ZNF879: variants seen among roughly 807,000 people sequenced by gnomAD.
The protein encoded by ZNF879 is zinc finger protein 879.
Under a neutral mutation model 44.3 loss-of-function variants are expected in ZNF879, and 32 were observed. The ratio of observed to expected loss-of-function variants is 0.72; its 90% CI spans 0.54 to 0.97. The LOEUF (loss-of-function observed/expected upper bound fraction) is 0.97, where lower values mean the gene tolerates loss of function less well. Ranked by LOEUF, ZNF879 falls within the 50% of genes least tolerant of loss-of-function variation. The pLI is 0.00. For missense variants in ZNF879, 621 were observed against 669.7 expected, an observed-to-expected ratio of 0.93 and a Z score of 0.80; for synonymous variants, 234 against 233.2, an observed-to-expected ratio of 1.00 and a Z score of -0.03.
chr5:179,024,245 C>T (rs2113039019), intron 1 of ZNF879, among the ~76,000 whole-genome samples: 1 of 152,368 alleles, frequency 6.6e-6, no homozygotes, highest in South Asian at 2.1e-4. Flanking sequence ...TAAGCCTCCC[C>T]CTACTCCGTT....
chr5:179,029,550 G>A (rs1156539677), intron 4 of ZNF879, among the ~76,000 whole-genome samples: 1 of 152,124 alleles, frequency 6.6e-6, no homozygotes, highest in Non-Finnish European at 1.5e-5. Flanking sequence ...TGAGCTTTCT[G>A]GTTGGCAAAT....
chr5:179,033,383 A>C lies in ZNF879; in HGVS notation c.1435A>C (p.Thr479Pro). The change falls in exon 5 of 5, where the codon ACT becomes CCT. Residue 479 changes from threonine (T) to proline (P), a missense_variant. Transcript: ENST00000444149. The part of the protein sequence containing the change: ...SGVNTHRKIH[T>P]GEKPYKCNDC... ...CGTTAATACTCATCGAAAAATTCAT[A>C]CTGGAGAAAAACCTTATAAATGTAA... is the stretch of plus-strand genomic sequence containing the variant. 6.4e-7 allele frequency: 1 copy of C among 1,558,286 alleles called. No homozygotes were observed. Among genetic ancestry groups the C allele is most frequent in the South Asian group, 1.2e-5 (1 of 84,716 alleles).
rs547281767 is a variant in ZNF879, at chr5:179,025,436, C to T, written c.33+399C>T. On this transcript the variant is annotated intron_variant, in intron 2 of 4. Coordinates refer to ENST00000444149, the MANE Select transcript of ZNF879 (RefSeq NM_001136116.3). ...AACTCCTGACCTCAAGCAATCTGCC[C>T]GCCTCAGCCTCCTAAAGTGTTGGGA... Among the ~76,000 whole-genome samples, 5 of 152,192 alleles carry T rather than the reference C, an allele frequency of 3.3e-5. No individual in the cohort carries two copies. In the East Asian group the frequency reaches 5.8e-4, roughly 18 times the overall value.
chr5:179,032,830 A>G lies in ZNF879; in HGVS notation c.882A>G (p.Gly294=). The change falls in exon 5 of 5, where the codon GGA becomes GGG. Residue 294 remains glycine, a synonymous_variant. Coordinates refer to ENST00000444149, the MANE Select transcript of ZNF879 (RefSeq NM_001136116.3). ...GACCTTATAAATGCAAGGAATGTGG[A>G]AAAACATTTAAAGGTAGTTCATCTC... ...GERPYKCKEC[G]KTFKGSSSLN... 1 of 1,556,072 alleles carries G rather than the reference A, an allele frequency of 6.4e-7. No individual in the cohort carries two copies. The highest frequency in any genetic ancestry group is 8.7e-7 in the Non-Finnish European group (1 of 1,149,732).
intron 2 of ZNF879, among the ~76,000 whole-genome samples, chr5:179,026,196 A>G (rs1761265180): frequency 6.6e-6 from 1 of 152,230 alleles, no homozygotes; most frequent in African/African-American, 2.4e-5. Context: ...GAGTATGAAC[A>G]AAGTGCAAAC....
intron 4 of ZNF879, among the ~76,000 whole-genome samples, chr5:179,030,067 C>A (rs1761380548): frequency 6.6e-6 from 1 of 152,100 alleles, no homozygotes; most frequent in African/African-American, 2.4e-5. Context: ...TTGAAAAGGC[C>A]AGGCATGTGG....
At position 179,033,767 on chromosome 5, in the gene ZNF879, C is replaced by T. The variant is rs1239523999; in HGVS notation, c.*127C>T. On this transcript the variant is annotated 3_prime_UTR_variant, in exon 5 of 5. Coordinates refer to ENST00000444149, the MANE Select transcript of ZNF879 (RefSeq NM_001136116.3). Reference sequence around the variant, plus strand: ...GTAAAACTTCAGCATTAGACCTCATCACACATCAGAGACTTCATGATGCAG... The same window carrying T: ...GTAAAACTTCAGCATTAGACCTCATTACACATCAGAGACTTCATGATGCAG... 20 of 643,326 alleles carry T rather than the reference C, an allele frequency of 3.1e-5. No homozygotes were observed. The highest frequency in any genetic ancestry group is 4.8e-5 in the Non-Finnish European group (19 of 393,236). The allele number at this position is 643,326 out of a possible 1,614,324, so 39.9% of individuals were successfully genotyped here. A position where few individuals can be genotyped will look rare whatever the true frequency, so the allele number is the denominator to read the frequency against.
intron 4 of ZNF879, among the ~76,000 whole-genome samples, chr5:179,031,682 CT>C (rs1761422992): frequency 6.6e-6 from 1 of 152,232 alleles, no homozygotes; most frequent in Non-Finnish European, 1.5e-5. Context: ...GGCTTGTGCC[CT>C]GTCATTCTCA....
At chr5:179,028,667 C>T (rs974986559) in intron 4 of ZNF879, among the ~76,000 whole-genome samples, 2 of 152,118 alleles carry the variant, frequency 1.3e-5, no homozygotes, top group Non-Finnish European at 2.9e-5. Context: ...GAGTGGGCTT[C>T]CGGATACTCA....
chr5:179,024,215 G>T (rs1761194263), intron 1 of ZNF879, among the ~76,000 whole-genome samples: 1 of 152,166 alleles, frequency 6.6e-6, no homozygotes, highest in African/African-American at 2.4e-5. Context: ...GCGGTTTTTC[G>T]CTCTTAGTGT....
Position 179,023,851 on chromosome 5 carries a change from C to T in ZNF879, c.-89C>T, listed in dbSNP as rs1172600676. ...GGAAACGTCTCTGAATTAGGTGTTC[C>T]GCTCGCCTCTTGTGCGGTGTGGAGC... On this transcript the variant is annotated 5_prime_UTR_variant, in exon 1 of 5. Transcript: ENST00000444149. 2 of 152,272 alleles carry T rather than the reference C, an allele frequency of 1.3e-5. No individual in the cohort carries two copies. The highest frequency in any genetic ancestry group is 1.5e-5 in the Non-Finnish European group (1 of 68,050). 9.4% of individuals were successfully genotyped at this position (152,272 alleles called of 1,614,324 possible). A position where few individuals can be genotyped will look rare whatever the true frequency, so the allele number is the denominator to read the frequency against.
At position 179,032,282 on chromosome 5, in the gene ZNF879, A is replaced by G. The variant is rs17078988; in HGVS notation, c.334A>G (p.Thr112Ala). ...EVMKKLIIDG[T>A]FDFKLEKTYI... Reference sequence around the variant, plus strand: ...CATGAAAAAACTCATAATTGATGGCACATTTGACTTCAAGTTGGAGAAGAC... The same window carrying G: ...CATGAAAAAACTCATAATTGATGGCGCATTTGACTTCAAGTTGGAGAAGAC... Residue 112 changes from threonine to alanine, a missense_variant, in exon 5 of 5, where the codon ACA becomes GCA. Coordinates refer to ENST00000444149, the MANE Select transcript of ZNF879 (RefSeq NM_001136116.3). 387,189 of 1,544,202 alleles carry G rather than the reference A, an allele frequency of 0.25. 50,958 individuals are homozygous for G. The highest frequency in any genetic ancestry group is 0.44 in the African/African-American group (31,588 of 72,452).
chr5:179,028,457 A>G (rs886651134), intron 4 of ZNF879, among the ~76,000 whole-genome samples: 32 of 152,168 alleles, frequency 2.1e-4, no homozygotes, highest in African/African-American at 7.7e-4. Flanking sequence ...TAGTGGCTTG[A>G]ACATTACATT....
Position 179,032,755 on chromosome 5 carries a change from C to T in ZNF879, c.807C>T (p.Phe269=), listed in dbSNP as rs1481653599. 4 of 1,554,240 alleles carry T rather than the reference C, an allele frequency of 2.6e-6. No homozygotes were observed. The Admixed American group carries it at 5.9e-5, about 23-fold the overall frequency. The change falls in exon 5 of 5, where the codon TTC becomes TTT. Residue 269 remains phenylalanine (F), a synonymous_variant. Coordinates refer to ENST00000444149, the MANE Select transcript of ZNF879 (RefSeq NM_001136116.3). ...PYICSECGKA[F]SFTTSLIGHQ... ...TATGTAGTGAATGTGGAAAAGCCTT[C>T]AGTTTCACCACATCTCTTATTGGAC...
chr5:179,026,481 C>G (rs540435423), intron 2 of ZNF879, among the ~76,000 whole-genome samples: 1 of 151,850 alleles, frequency 6.6e-6, no homozygotes, highest in Non-Finnish European at 1.5e-5. Context: ...TAAGATGATT[C>G]GTTTTGTTTT....
Position 179,027,605 on chromosome 5 carries a change from G to A in ZNF879, c.160+6G>A. ...CAGCATCCTGGTCTCACTGGGTAAG[G>A]AACTTTCCTCCTGATGCAGAATCTG... On this transcript the variant is annotated splice_donor_region_variant and intron_variant, in intron 3 of 4. Coordinates refer to ENST00000444149, the MANE Select transcript of ZNF879 (RefSeq NM_001136116.3). 1 of 1,613,846 alleles carries A rather than the reference G, an allele frequency of 6.2e-7. No individual in the cohort carries two copies. Among genetic ancestry groups the A allele is most frequent in the Non-Finnish European group, 8.5e-7 (1 of 1,179,900 alleles).
rs201133999 is a variant in ZNF879, at chr5:179,025,348, C to T, written c.33+311C>T. 5.3e-5 allele frequency among the ~76,000 whole-genome samples: 8 copies of T among 152,022 alleles called. No individual in the cohort carries two copies. The East Asian group carries it at 1.6e-3, about 30-fold the overall frequency. On this transcript the variant is annotated intron_variant, in intron 2 of 4. Transcript: ENST00000444149. ...GACTACAGGCATGTGTGCCACCACA[C>T]CCAGCTAATTTTTGTATTTTTAGTA...
chr5:179,032,609 A>G lies in ZNF879; in HGVS notation c.661A>G (p.Lys221Glu), dbSNP rs1761452761. The stretch of plus-strand genomic sequence containing the variant: ...CTTCCTCCACAGTTCCTCCCTGAGT[A>G]AACACCAGAGAATCCACACTGGAGA... ...KIFLHSSSLS[K>E]HQRIHTGEKL... Residue 221 changes from lysine (K) to glutamate (E), a missense_variant, in exon 5 of 5, where the codon AAA (lysine) becomes GAA (glutamate). Transcript: ENST00000444149. 1 of 1,563,544 alleles carries G rather than the reference A, an allele frequency of 6.4e-7. No individual in the cohort carries two copies. The highest frequency in any genetic ancestry group is 1.4e-5 in the African/African-American group (1 of 73,352).
chr5:179,031,698 C>T (rs1221438601), intron 4 of ZNF879, among the ~76,000 whole-genome samples: 1 of 152,202 alleles, frequency 6.6e-6, no homozygotes, highest in Non-Finnish European at 1.5e-5. Flanking sequence ...TTCTCAGAGT[C>T]TTAACGTTTG....
Sources: gnomAD v4.1 joint callset for allele counts (sites outside exome capture counted in the v4.1 genomes callset) on GRCh38, gnomAD v4.1.1 for gene constraint, MANE v1.5 for transcripts, NCBI Gene and HGNC (gene_info 2026-07-23, HGNC 2026-07-21) for gene names.